Variants in MOSMO observed in about 807,000 individuals in gnomAD.
MOSMO encodes the protein modulator of smoothened.
MOSMO carries 5 observed loss-of-function variants against 18.4 expected under a neutral mutation model. That is an observed-to-expected ratio of 0.27 (90% CI 0.14 to 0.57). The LOEUF (loss-of-function observed/expected upper bound fraction) is 0.57. Among genes scored for constraint, MOSMO ranks in the 20% least tolerant of loss-of-function variants. The probability of loss-of-function intolerance (pLI) is 0.92; values close to 1 mark genes in which losing one functional copy is unlikely to be tolerated. For missense variants in MOSMO, 138 were observed against 211.8 expected, an observed-to-expected ratio of 0.65 and a Z score of 2.16; for synonymous variants, 82 against 82.3, an observed-to-expected ratio of 1.00 and a Z score of 0.02.
At chr16:22,090,009 C>T (rs570631133), downstream of MOSMO, 1 of 152,010 alleles carries the variant, frequency 6.6e-6, no homozygotes, top group Admixed American at 6.6e-5. Flanking sequence ...TTTGGAAAAT[C>T]GTTCCTTTCC....
chr16:22,056,780 G>T (rs532106844), intron 1 of MOSMO, among the ~76,000 whole-genome samples: 3 of 152,040 alleles, frequency 2.0e-5, no homozygotes, highest in Admixed American at 1.3e-4. Context: ...AGCCTAGTCC[G>T]TTAGGAACCA....
Position 22,059,768 on chromosome 16 carries a change from GTGGGGATTA to G in MOSMO, c.107-15708_107-15700del, listed in dbSNP as rs199690632. On this transcript the variant is annotated intron_variant, in intron 1 of 2. Transcript: ENST00000542527. ...CTCTACCTGGTCTCTCTTTCAACAT[GTGGGGATTA>G]TGGGGATTATAATTCAAGATGAGAT... 6.2e-3 allele frequency among the ~76,000 whole-genome samples: 951 copies of G among 152,298 alleles called. 28 individuals are homozygous for G. Among genetic ancestry groups the G allele is most frequent in the East Asian group, 0.017 (89 of 5,180 alleles).
chr16:22,020,134 A>G (rs1226983991), intron 1 of MOSMO, among the ~76,000 whole-genome samples: 11 of 148,778 alleles, frequency 7.4e-5, no homozygotes, highest in Non-Finnish European at 1.3e-4. Flanking sequence ...AATCGCTTGA[A>G]CCCAGGAGGC....
chr16:22,083,784 C>T lies in MOSMO; in HGVS notation c.*2904C>T, dbSNP rs547699425. 221 of 418,160 alleles carry T rather than the reference C, an allele frequency of 5.3e-4. No individual in the cohort carries two copies. Among genetic ancestry groups the T allele is most frequent in the Non-Finnish European group, 8.5e-4 (181 of 213,952 alleles). 25.9% of individuals were successfully genotyped at this position (418,160 alleles called of 1,614,324 possible). A position where few individuals can be genotyped will look rare whatever the true frequency, so the allele number is the denominator to read the frequency against. Reference sequence around the variant, plus strand: ...AATTAGTTTGACATTTTTGGAAGCTCCTATTGAACATACCCAAACATCTGT... The same window carrying T: ...AATTAGTTTGACATTTTTGGAAGCTTCTATTGAACATACCCAAACATCTGT... On this transcript the variant is annotated 3_prime_UTR_variant, in exon 3 of 3. Coordinates refer to ENST00000542527, the MANE Select transcript of MOSMO (RefSeq NM_001164579.2).
Position 22,025,294 on chromosome 16 carries a change from G to A in MOSMO, c.106+16887G>A, listed in dbSNP as rs139625720. On this transcript the variant is annotated intron_variant, in intron 1 of 2. Coordinates refer to ENST00000542527, the MANE Select transcript of MOSMO (RefSeq NM_001164579.2). ...TGTAAGTGTCAACTAAAGTTAATCA[G>A]ACTAACTTTTGAAGATCCTTAGCTA... 1.5e-3 allele frequency among the ~76,000 whole-genome samples: 228 copies of A among 152,242 alleles called. 1 individual carries two copies. The highest frequency in any genetic ancestry group is 5.3e-3 in the African/African-American group (222 of 41,528).
chr16:22,029,651 G>A (rs1415243643), intron 1 of MOSMO, among the ~76,000 whole-genome samples: 14 of 152,054 alleles, frequency 9.2e-5, no homozygotes. Context: ...TTAGAGACAG[G>A]GTTTCTCCCT....
chr16:22,061,366 C>G (rs950373495), intron 1 of MOSMO, among the ~76,000 whole-genome samples: 1 of 152,134 alleles, frequency 6.6e-6, no homozygotes, highest in African/African-American at 2.4e-5. Flanking sequence ...GACAGTAGAC[C>G]AAAAGACAAT....
At chr16:22,016,406 C>A (rs111452766) in intron 1 of MOSMO, among the ~76,000 whole-genome samples, 1 of 152,090 alleles carries the variant, frequency 6.6e-6, no homozygotes, top group Non-Finnish European at 1.5e-5. Context: ...TACTGTCTGT[C>A]TTATTTATTT....
intron 1 of MOSMO, chr16:22,064,349 T>A (rs1900708815): frequency 2.2e-6 from 1 of 456,350 alleles, no homozygotes; most frequent in Non-Finnish European, 4.4e-6. Context: ...CTCACCTTAA[T>A]CCAGCTCAGT....
chr16:22,009,503 C>G (rs922473735), intron 1 of MOSMO, among the ~76,000 whole-genome samples: 1 of 152,046 alleles, frequency 6.6e-6, no homozygotes, highest in African/African-American at 2.4e-5. Flanking sequence ...CTCTCTTTCT[C>G]CCTCTCTCCC....
At chr16:22,029,881 A>G (rs1899958559) in intron 1 of MOSMO, among the ~76,000 whole-genome samples, 1 of 151,268 alleles carries the variant, frequency 6.6e-6, no homozygotes, top group African/African-American at 2.4e-5. Context: ...TCCTGCCTTG[A>G]CCTCCCGAAG....
At chr16:22,053,574 G>A (rs1464016594) in intron 1 of MOSMO, among the ~76,000 whole-genome samples, 2 of 152,042 alleles carry the variant, frequency 1.3e-5, no homozygotes, top group African/African-American at 4.8e-5. Context: ...ATGCCAAGGC[G>A]GGCAAATCAC....
intron 1 of MOSMO, among the ~76,000 whole-genome samples, chr16:22,046,411 T>C (rs929407498): frequency 1.3e-5 from 2 of 152,182 alleles, no homozygotes; most frequent in African/African-American, 4.8e-5. Flanking sequence ...AACTGATCAA[T>C]ACATAACCTC....
chr16:22,014,223 G>A (rs1225338073), intron 1 of MOSMO, among the ~76,000 whole-genome samples: 1 of 152,114 alleles, frequency 6.6e-6, no homozygotes, highest in East Asian at 1.9e-4. Context: ...CAGTCCTTGT[G>A]ACCTGACAAG....
intron 1 of MOSMO, among the ~76,000 whole-genome samples, chr16:22,051,963 G>C (rs1475516039): frequency 6.6e-6 from 1 of 152,110 alleles, no homozygotes; most frequent in Non-Finnish European, 1.5e-5. Context: ...GCTGTGGTGT[G>C]ACAGAAAAAA....
At chr16:22,045,238 TCTC>T (rs1189979027) in intron 1 of MOSMO, among the ~76,000 whole-genome samples, 2 of 152,022 alleles carry the variant, frequency 1.3e-5, no homozygotes, top group Non-Finnish European at 2.9e-5. Context: ...ATTCAGTTCT[TCTC>T]TGTGGTTTCT....
chr16:22,011,196 T>C (rs73533945), intron 1 of MOSMO, among the ~76,000 whole-genome samples: 4,833 of 152,294 alleles, frequency 0.032, 269 homozygotes, highest in African/African-American at 0.11. Context: ...ATAACCTATC[T>C]GCCCTCTTGA....
intron 1 of MOSMO, among the ~76,000 whole-genome samples, chr16:22,016,247 A>AAT: frequency 6.6e-6 from 1 of 152,360 alleles, no homozygotes; most frequent in South Asian, 2.1e-4. Flanking sequence ...AAATGGAGAC[A>AAT]ATACATTTAC....
intron 1 of MOSMO, among the ~76,000 whole-genome samples, chr16:22,011,647 C>T (rs1173835999): frequency 6.6e-6 from 1 of 152,042 alleles, no homozygotes; most frequent in African/African-American, 2.4e-5. Flanking sequence ...CAATGTGTGG[C>T]TGATGTGGGA....
Sources: allele counts gnomAD v4.1 joint callset (sites outside exome capture counted in the v4.1 genomes callset), GRCh38; gene constraint gnomAD v4.1.1; transcripts MANE v1.5; gene names NCBI Gene and HGNC (gene_info 2026-07-23, HGNC 2026-07-21).